CPD: variants seen among roughly 807,000 people sequenced by gnomAD.
CPD encodes the protein metallocarboxypeptidase D.
CPD carries 69 observed loss-of-function variants against 138.3 expected under a neutral mutation model. That is an observed-to-expected ratio of 0.50 (90% CI 0.41 to 0.61). CPD has a LOEUF of 0.61. Among genes scored for constraint, CPD ranks in the 20% least tolerant of loss-of-function variants. The probability of loss-of-function intolerance (pLI) is 0.00; values close to 1 mark genes in which losing one functional copy is unlikely to be tolerated. For missense variants in CPD, 1,432 were observed against 1,733.3 expected (o/e 0.83, Z 3.09); for synonymous variants, 651 against 642.1 (o/e 1.01, Z -0.21).
At chr17:30,385,727 C>T (rs1251091317) in intron 2 of CPD, among the ~76,000 whole-genome samples, 1 of 151,024 alleles carries the variant, frequency 6.6e-6, no homozygotes, top group Admixed American at 6.7e-5. Flanking sequence ...CAGATTTCCC[C>T]CATTATGTCC....
Position 30,445,923 on chromosome 17 carries a change from C to G in CPD, c.2776C>G (p.Leu926Val). The G allele has an allele frequency of 1.2e-6, 2 of 1,614,112 alleles. No homozygotes were observed. The highest frequency in any genetic ancestry group is 1.7e-6 in the Non-Finnish European group (2 of 1,180,004). The change falls in exon 12 of 21, where the codon CTG (leucine) becomes GTG (valine). Residue 926 changes from leucine to valine, a missense_variant. Leu to Val is a conservative substitution (Grantham distance 32). This residue lies in a region of CPD where 124 missense variants were observed against 117.0 expected (regional missense o/e 1.06). Transcript: ENST00000225719. ...CCTCATGTTACGCTCCTCCTCAAATCTGGCTCTGGCTCTTTATCGATACCA... is the reference window on the plus strand; with the variant it reads ...CCTCATGTTACGCTCCTCCTCAAATGTGGCTCTGGCTCTTTATCGATACCA... ...ESLMLRSSSN[L>V]ALALYRYHSY...
At chr17:30,453,798 G>A (rs1213120953) in intron 14 of CPD, among the ~76,000 whole-genome samples, 2 of 152,212 alleles carry the variant, frequency 1.3e-5, no homozygotes, top group Non-Finnish European at 2.9e-5. Flanking sequence ...TCTAGGTGGA[G>A]GTTCCCAAAC....
At chr17:30,431,379 A>G (rs1237743695) in intron 7 of CPD, among the ~76,000 whole-genome samples, 1 of 152,204 alleles carries the variant, frequency 6.6e-6, no homozygotes, top group Non-Finnish European at 1.5e-5. Flanking sequence ...CAGGCTTGCA[A>G]AACATTTTCC....
At chr17:30,450,030 C>T (rs1398252696) in intron 13 of CPD, among the ~76,000 whole-genome samples, 1 of 151,314 alleles carries the variant, frequency 6.6e-6, no homozygotes, top group Non-Finnish European at 1.5e-5. Flanking sequence ...CCACACTACC[C>T]TTCCAGTCTT....
intron 2 of CPD, among the ~76,000 whole-genome samples, chr17:30,417,266 T>C (rs1912135312): frequency 6.6e-6 from 1 of 152,162 alleles, no homozygotes; most frequent in African/African-American, 2.4e-5. Context: ...AGCAGGGACC[T>C]TGTCTGTTTT....
At chr17:30,386,576 G>A (rs757766683) in intron 2 of CPD, among the ~76,000 whole-genome samples, 7 of 151,856 alleles carry the variant, frequency 4.6e-5, no homozygotes, top group East Asian at 1.9e-4. Context: ...ACAGAAACTC[G>A]GTAGGCATTA....
chr17:30,442,725 T>G (rs945173857), intron 10 of CPD, among the ~76,000 whole-genome samples: 1 of 152,164 alleles, frequency 6.6e-6, no homozygotes, highest in African/African-American at 2.4e-5. Flanking sequence ...TGGTCACTTT[T>G]TACCCGTGTT....
rs1267268694 is a variant in CPD at position 30,467,402 on chromosome 17, A to G, written c.*2588A>G. On this transcript the variant is annotated 3_prime_UTR_variant, in exon 21 of 21. Coordinates refer to ENST00000225719, the MANE Select transcript of CPD (RefSeq NM_001304.5). ...TGTATTGATTATGTAGTTCAGTAAG[A>G]TGTGCCCAAGTCATTTCAGAAAGAA... 6.6e-6 allele frequency: 1 copy of G among 152,210 alleles called. No individual in the cohort carries two copies. The highest frequency in any genetic ancestry group is 1.5e-5 in the Non-Finnish European group (1 of 68,018). 9.4% of individuals were successfully genotyped at this position (152,210 alleles called of 1,614,324 possible). A position where few individuals can be genotyped will look rare whatever the true frequency, so the allele number is the denominator to read the frequency against.
chr17:30,396,848 C>CCT (rs535890296), intron 2 of CPD, among the ~76,000 whole-genome samples: 103 of 150,186 alleles, frequency 6.9e-4, no homozygotes, highest in Middle Eastern at 6.9e-3. Flanking sequence ...TTCTTTCCTT[C>CCT]CTCTCTCTCT....
At chr17:30,392,302 G>T (rs1299316249) in intron 2 of CPD, among the ~76,000 whole-genome samples, 1 of 152,048 alleles carries the variant, frequency 6.6e-6, no homozygotes, top group African/African-American at 2.4e-5. Context: ...GAGCCACTGC[G>T]CCCGGCCTAA....
intron 6 of CPD, among the ~76,000 whole-genome samples, chr17:30,424,126 TAAG>T (rs959299092): frequency 6.6e-6 from 1 of 152,152 alleles, no homozygotes. Flanking sequence ...TTAAACATTT[TAAG>T]AAGACATGAG....
intron 8 of CPD, among the ~76,000 whole-genome samples, chr17:30,433,173 G>A (rs1200069387): frequency 2.0e-5 from 3 of 152,120 alleles, no homozygotes; most frequent in Non-Finnish European, 2.9e-5. Context: ...TTCTACTAGA[G>A]GAGTACAGCT....
In CPD at chr17:30,394,116, CTTTTTTTTTTTTTTTT is replaced by C. The variant is rs35779169; in HGVS notation, c.994+8894_994+8909del. ...TATGATTGCACCACTGCACTCCAGCCTTTTTTTTTTTTTTTTTTTTTTTTTTTTTGACAGGGGAAGA... is the reference window on the plus strand; with the variant it reads ...TATGATTGCACCACTGCACTCCAGCCTTTTTTTTTTTTTGACAGGGGAAGA... On this transcript the variant is annotated intron_variant, in intron 2 of 20. Coordinates refer to ENST00000225719, the MANE Select transcript of CPD (RefSeq NM_001304.5). Among the ~76,000 whole-genome samples, 5 of 40,858 alleles carry C rather than the reference CTTTTTTTTTTTTTTTT, an allele frequency of 1.2e-4. 1 individual carries two copies. In the Admixed American group the frequency reaches 1.4e-3, roughly 12 times the overall value. 26.8% of individuals were successfully genotyped at this position (40,858 alleles called of 152,430 possible).
At position 30,445,805 on chromosome 17, in the gene CPD, G is replaced by T. The variant is rs1913012278; in HGVS notation, c.2658G>T (p.Gly886=). 1 of 1,613,902 alleles carries T rather than the reference G, an allele frequency of 6.2e-7. No homozygotes were observed. Among genetic ancestry groups the T allele is most frequent in the Admixed American group, 1.7e-5 (1 of 59,938 alleles). ...ACAATGAATCAAAGAAAGGAAAAGG[G>T]GCTAGCAGCAGCACCAATGATGCCA... ...DSNNESKKGK[G]ASSSTNDASD... The change falls in exon 12 of 21, where the codon GGG becomes GGT. Residue 886 remains glycine, a synonymous_variant. Transcript: ENST00000225719.
intron 11 of CPD, 47 bp downstream of exon 11, chr17:30,444,018 G>A: frequency 1.9e-6 from 3 of 1,589,536 alleles, no homozygotes; most frequent in Non-Finnish European, 2.6e-6. Context: ...GGACAAACAT[G>A]GCTCCATTCT....
intron 17 of CPD, among the ~76,000 whole-genome samples, chr17:30,460,882 C>T (rs1913453627): frequency 6.6e-6 from 1 of 152,182 alleles, no homozygotes; most frequent in South Asian, 2.1e-4. Flanking sequence ...CTCATTCATT[C>T]ATTTCTTCAG....
At chr17:30,440,132 T>A (rs1273339806) in intron 9 of CPD, among the ~76,000 whole-genome samples, 2 of 123,806 alleles carry the variant, frequency 1.6e-5, no homozygotes, top group Non-Finnish European at 3.3e-5. Context: ...CTCATTGTGG[T>A]TTTGATTTGC....
intron 17 of CPD, among the ~76,000 whole-genome samples, chr17:30,458,721 C>T (rs1345562213): frequency 6.6e-6 from 1 of 152,062 alleles, no homozygotes; most frequent in Non-Finnish European, 1.5e-5. Context: ...AAACATTAGC[C>T]AGGCTGTAGT....
intron 17 of CPD, among the ~76,000 whole-genome samples, chr17:30,458,279 T>C (rs1404882839): frequency 6.6e-6 from 1 of 152,208 alleles, no homozygotes; most frequent in Non-Finnish European, 1.5e-5. Flanking sequence ...GATTTGCAAG[T>C]ATTTTCTCCT....
Sources: gnomAD v4.1 joint callset for allele counts (sites outside exome capture counted in the v4.1 genomes callset) on GRCh38, gnomAD v4.1.1 for gene constraint, gnomAD v4.1.1 regional missense constraint, MANE v1.5 for transcripts, NCBI Gene and HGNC (gene_info 2026-07-23, HGNC 2026-07-21) for gene names.